Variants in MYO3B observed in about 807,000 individuals in gnomAD.
MYO3B encodes the protein myosin-IIIb.
A neutral mutation model predicts 174.6 loss-of-function variants in MYO3B; 156 were observed. The observed-to-expected ratio is 0.89, with a 90% CI of 0.78 to 1.02. The LOEUF (loss-of-function observed/expected upper bound fraction) is 1.02. Ranked by LOEUF, MYO3B falls within the 50% of genes least tolerant of loss-of-function variation. MYO3B has a pLI of 0.00. For missense variants in MYO3B, 1,632 were observed against 1,639.4 expected, an observed-to-expected ratio of 1.00 and a Z score of 0.08; for synonymous variants, 563 against 569.1, an observed-to-expected ratio of 0.99 and a Z score of 0.15.
At chr2:170,499,832 T>C in intron 27 of MYO3B, 24 bp downstream of exon 27, 2 of 1,611,830 alleles carry the variant, frequency 1.2e-6, no homozygotes, top group Non-Finnish European at 1.7e-6. Context: ...TTCTCATAAA[T>C]ACTGCCCTGG....
intron 32 of MYO3B, among the ~76,000 whole-genome samples, chr2:170,641,948 G>C (rs1336240012): frequency 6.9e-6 from 1 of 145,516 alleles, no homozygotes; most frequent in Non-Finnish European, 1.5e-5. Context: ...ACATATTCCT[G>C]TAAAGATATT....
Position 170,383,697 on chromosome 2 carries a change from AT to A in MYO3B, c.1186-8del. The A allele has an allele frequency of 1.2e-6, 2 of 1,600,872 alleles. No homozygotes were observed. The highest frequency in any genetic ancestry group is 1.7e-6 in the Non-Finnish European group (2 of 1,168,136). On this transcript the variant is annotated splice_polypyrimidine_tract_variant and intron_variant, in intron 11 of 34. Coordinates refer to ENST00000408978, the MANE Select transcript of MYO3B (RefSeq NM_138995.5). Reference sequence around the variant, plus strand: ...GTCCAGGGGAGAGTTTCCTTTAATTATTTTTCCTTCAGTTTTCCAGACTTTA... The same window carrying A: ...GTCCAGGGGAGAGTTTCCTTTAATTATTTTCCTTCAGTTTTCCAGACTTTA...
intron 23 of MYO3B, among the ~76,000 whole-genome samples, chr2:170,449,670 G>A (rs569556195): frequency 8.6e-5 from 13 of 152,004 alleles, no homozygotes; most frequent in African/African-American, 2.4e-4. Context: ...CTAGCTACTC[G>A]GGAGGCTGAG....
intron 7 of MYO3B, among the ~76,000 whole-genome samples, chr2:170,257,701 G>A (rs545809634): frequency 6.6e-6 from 1 of 151,988 alleles, no homozygotes; most frequent in African/African-American, 2.4e-5. Context: ...ACGAACCCCA[G>A]AGCTAGCAGA....
chr2:170,242,045 T>C (rs1189007899), intron 7 of MYO3B, among the ~76,000 whole-genome samples: 1 of 152,128 alleles, frequency 6.6e-6, no homozygotes, highest in African/African-American at 2.4e-5. Context: ...AACTAAACTA[T>C]TGTTGAAGTG....
At chr2:170,437,832 G>A (rs556391094) in intron 22 of MYO3B, among the ~76,000 whole-genome samples, 2 of 152,044 alleles carry the variant, frequency 1.3e-5, no homozygotes, top group Non-Finnish European at 2.9e-5. Flanking sequence ...GCGCTCTATC[G>A]TCTAACTTCT....
chr2:170,244,352 C>T (rs1165849987), intron 7 of MYO3B, among the ~76,000 whole-genome samples: 1 of 151,940 alleles, frequency 6.6e-6, no homozygotes, highest in Non-Finnish European at 1.5e-5. Flanking sequence ...TATTTTTTTT[C>T]CCAGCCCCAC....
At chr2:170,639,446 A>G (rs1444031137) in intron 32 of MYO3B, among the ~76,000 whole-genome samples, 1 of 152,206 alleles carries the variant, frequency 6.6e-6, no homozygotes, top group African/African-American at 2.4e-5. Context: ...TCAAAGATGA[A>G]GTCAGTCATC....
intron 30 of MYO3B, among the ~76,000 whole-genome samples, chr2:170,538,630 T>C (rs1219831002): frequency 6.6e-6 from 1 of 152,162 alleles, no homozygotes; most frequent in Non-Finnish European, 1.5e-5. Flanking sequence ...AGGAATTAGA[T>C]GTGAGTTTTG....
chr2:170,543,693 C>T lies in MYO3B; in HGVS notation c.3637-199C>T, dbSNP rs530892456. Among the ~76,000 whole-genome samples the T allele has an allele frequency of 7.2e-5, 11 of 152,292 alleles. No homozygotes were observed. The South Asian group carries it at 8.3e-4, about 11-fold the overall frequency. ...ATGAATGAAGCAAAAGATGTTAAGA[C>T]TTGGCTTCTAATTGCCCCAAGGAGA... is the stretch of plus-strand genomic sequence containing the variant. On this transcript the variant is annotated intron_variant, in intron 31 of 34. Transcript: ENST00000408978.
At chr2:170,510,683 G>A (rs1339161818) in intron 28 of MYO3B, among the ~76,000 whole-genome samples, 1 of 71,310 alleles carries the variant, frequency 1.4e-5, no homozygotes, top group South Asian at 3.9e-4. Flanking sequence ...AAGGCACAAA[G>A]AAGAACTCCA....
intron 25 of MYO3B, among the ~76,000 whole-genome samples, chr2:170,467,630 A>C (rs1684725469): frequency 6.6e-6 from 1 of 152,076 alleles, no homozygotes; most frequent in Non-Finnish European, 1.5e-5. Context: ...ATCAAGAAAA[A>C]AAAAATACAT....
At chr2:170,618,967 C>G (rs1355534896) in intron 32 of MYO3B, among the ~76,000 whole-genome samples, 1 of 152,106 alleles carries the variant, frequency 6.6e-6, no homozygotes, top group Non-Finnish European at 1.5e-5. Context: ...CTATGATTAG[C>G]AAGATATTAA....
intron 32 of MYO3B, among the ~76,000 whole-genome samples, chr2:170,573,315 A>G (rs1692570730): frequency 6.6e-6 from 1 of 151,946 alleles, no homozygotes; most frequent in Non-Finnish European, 1.5e-5. Context: ...TCTAATAACT[A>G]GTAGGATGTA....
At chr2:170,323,115 A>G (rs992568520) in intron 7 of MYO3B, among the ~76,000 whole-genome samples, 24 of 152,192 alleles carry the variant, frequency 1.6e-4, no homozygotes, top group African/African-American at 5.8e-4. Context: ...ACAGTGTGTC[A>G]TAATTAGGTG....
chr2:170,279,265 C>T (rs773785334), intron 7 of MYO3B, among the ~76,000 whole-genome samples: 1 of 152,024 alleles, frequency 6.6e-6, no homozygotes, highest in Non-Finnish European at 1.5e-5. Context: ...TATGAAAGTT[C>T]CCTTTTATCT....
intron 1 of MYO3B, among the ~76,000 whole-genome samples, chr2:170,198,522 T>C (rs900103458): frequency 1.1e-3 from 164 of 152,240 alleles, no homozygotes; most frequent in Non-Finnish European, 2.9e-4. Context: ...CTTCTGACTA[T>C]TGATTTTCCT....
At chr2:170,236,265 T>C in intron 7 of MYO3B, 129 bp downstream of exon 7, 1 of 1,271,000 alleles carries the variant, frequency 7.9e-7, no homozygotes, top group Non-Finnish European at 1.1e-6. Context: ...TATATTTTCT[T>C]TGAAAAAGCA....
At chr2:170,471,850 G>C (rs1477213755) in intron 25 of MYO3B, among the ~76,000 whole-genome samples, 1 of 152,030 alleles carries the variant, frequency 6.6e-6, no homozygotes, top group East Asian at 1.9e-4. Context: ...AATTAGCTGG[G>C]CATGGTGGCA....
Sources: allele counts gnomAD v4.1 joint callset (sites outside exome capture counted in the v4.1 genomes callset), GRCh38; gene constraint gnomAD v4.1.1; transcripts MANE v1.5; gene names NCBI Gene and HGNC (gene_info 2026-07-23, HGNC 2026-07-21).